TP63: variants seen among roughly 807,000 people sequenced by gnomAD.
TP63 encodes tumor protein 63.
Under a neutral mutation model 82.8 loss-of-function variants are expected in TP63, and 17 were observed. The observed-to-expected ratio is 0.21, with a 90% CI of 0.14 to 0.31. TP63 has a LOEUF of 0.31. TP63 is among the 10% of genes least tolerant of loss of function. TP63 has a pLI of 1.00. For missense variants in TP63, 648 were observed against 895.3 expected, an observed-to-expected ratio of 0.72 and a Z score of 3.52; for synonymous variants, 330 against 321.7, an observed-to-expected ratio of 1.03 and a Z score of -0.28.
chr3:189,677,741 C>G lies in TP63; in HGVS notation c.62+46164C>G, dbSNP rs546279640. Among the ~76,000 whole-genome samples, 237 of 152,002 alleles carry G rather than the reference C, an allele frequency of 1.6e-3. 1 individual carries two copies. Among genetic ancestry groups the G allele is most frequent in the African/African-American group, 5.4e-3 (223 of 41,492 alleles). On this transcript the variant is annotated intron_variant, in intron 1 of 13. Transcript: ENST00000264731. ...AGTGTATAAGCATTTCTTTTTCTCC[C>G]CAGCCTCATCAACATCTGTTATTTT...
At chr3:189,606,552 C>T in the TP63 span, among the ~76,000 whole-genome samples, 30 of 126,958 alleles carry the variant, frequency 2.4e-4, no homozygotes, top group African/African-American at 8.4e-4. Flanking sequence ...CTTGCTCTGT[C>T]ACCTAGGCTG....
intron 3 of TP63, among the ~76,000 whole-genome samples, chr3:189,800,927 C>T (rs1726238522): frequency 6.6e-6 from 1 of 151,902 alleles, no homozygotes; most frequent in African/African-American, 2.4e-5. Flanking sequence ...TTATTTTTTG[C>T]TCCTGATAGT....
intron 3 of TP63, among the ~76,000 whole-genome samples, chr3:189,745,551 A>T (rs1346958161): frequency 6.6e-6 from 1 of 151,880 alleles, no homozygotes; most frequent in Non-Finnish European, 1.5e-5. Context: ...TCCTAAAAAT[A>T]CAAAAATTAG....
chr3:189,834,343 CT>C (rs999918061), intron 4 of TP63, among the ~76,000 whole-genome samples: 1 of 151,166 alleles, frequency 6.6e-6, no homozygotes, highest in Admixed American at 6.6e-5. Context: ...GTCTGACAGT[CT>C]TTTTTTTTAA....
intron 1 of TP63, among the ~76,000 whole-genome samples, chr3:189,693,595 G>C (rs1717113839): frequency 6.6e-6 from 1 of 152,124 alleles, no homozygotes; most frequent in Non-Finnish European, 1.5e-5. Context: ...ATTTGGATGG[G>C]GACGATTATT....
the TP63 span, among the ~76,000 whole-genome samples, chr3:189,599,153 T>C: frequency 6.6e-6 from 1 of 152,186 alleles, no homozygotes; most frequent in Admixed American, 6.5e-5. Context: ...TTTCCCTTCA[T>C]CCACCTTTAA....
upstream of TP63, among the ~76,000 whole-genome samples, chr3:189,630,833 A>G (rs1729426595): frequency 6.6e-6 from 1 of 151,766 alleles, no homozygotes; most frequent in South Asian, 2.1e-4. Context: ...TAAGTTAAAT[A>G]TAATCAAGGA....
the TP63 span, among the ~76,000 whole-genome samples, chr3:189,616,418 A>G: frequency 0.05 from 7,542 of 152,296 alleles, 268 homozygotes; most frequent in South Asian, 0.08. Context: ...GAGATGTTCC[A>G]TGGATCCTCA....
Position 189,808,373 on chromosome 3 carries a change from C to T in TP63, c.426C>T (p.Ser142=), listed in dbSNP as rs1328739177. The change falls in exon 4 of 14, where the codon AGC becomes AGT. Residue 142 remains serine (S), a synonymous_variant. Transcript: ENST00000264731. ...SPYNTDHAQN[S]VTAPSPYAQP... Reference sequence around the variant, plus strand: ...ATAACACAGACCACGCGCAGAACAGCGTCACGGCGCCCTCGCCCTACGCAC... The same window carrying T: ...ATAACACAGACCACGCGCAGAACAGTGTCACGGCGCCCTCGCCCTACGCAC... 1 of 1,614,196 alleles carries T rather than the reference C, an allele frequency of 6.2e-7. No individual in the cohort carries two copies. The highest frequency in any genetic ancestry group is 8.5e-7 in the Non-Finnish European group (1 of 1,180,038).
intron 1 of TP63, among the ~76,000 whole-genome samples, chr3:189,691,338 C>CAAAAAAAAAAAAAAAA (rs781098833): frequency 3.7e-4 from 25 of 67,098 alleles, no homozygotes; most frequent in Non-Finnish European, 5.6e-4. Context: ...GACTCCATCT[C>CAAAAAAAAAAAAAAAA]AAAAAAAAAA....
At chr3:189,767,419 T>G (rs1158563022) in intron 3 of TP63, among the ~76,000 whole-genome samples, 1 of 152,302 alleles carries the variant, frequency 6.6e-6, no homozygotes, top group East Asian at 1.9e-4. Flanking sequence ...GTACCAATCT[T>G]TCAATTTATG....
intron 3 of TP63, among the ~76,000 whole-genome samples, chr3:189,798,552 G>A (rs1725960590): frequency 6.6e-6 from 1 of 152,046 alleles, no homozygotes; most frequent in South Asian, 2.1e-4. Flanking sequence ...CTTTTTAAAA[G>A]TGTTTACCTG....
chr3:189,646,014 G>A (rs1712396443), intron 1 of TP63, among the ~76,000 whole-genome samples: 1 of 147,058 alleles, frequency 6.8e-6, no homozygotes. Flanking sequence ...GTAAGAATCT[G>A]TATTTTAACA....
intron 1 of TP63, among the ~76,000 whole-genome samples, chr3:189,683,648 A>C (rs946327333): frequency 6.6e-6 from 1 of 152,192 alleles, no homozygotes; most frequent in Non-Finnish European, 1.5e-5. Flanking sequence ...TGAATGTCCC[A>C]CTATATAGTT....
intron 4 of TP63, among the ~76,000 whole-genome samples, chr3:189,817,005 G>GC (rs1404900806): frequency 1.3e-5 from 2 of 150,418 alleles, no homozygotes; most frequent in Admixed American, 1.3e-4. Context: ...TTCATGTGGG[G>GC]GAAAAAAAAA....
At chr3:189,682,543 A>G (rs1164517971) in intron 1 of TP63, among the ~76,000 whole-genome samples, 2 of 23,962 alleles carry the variant, frequency 8.3e-5, no homozygotes, top group Admixed American at 6.0e-4. Flanking sequence ...GGGGAAAAAA[A>G]AAAAAAAAAA....
At chr3:189,865,533 C>G (rs796131681) in intron 5 of TP63, among the ~76,000 whole-genome samples, 2 of 151,516 alleles carry the variant, frequency 1.3e-5, no homozygotes, top group Non-Finnish European at 2.9e-5. Flanking sequence ...ATTGAGGGTG[C>G]CAAAGGTGTT....
At chr3:189,869,297 A>G in intron 8 of TP63, 27 bp from the exon 9 acceptor site, 1 of 1,599,438 alleles carries the variant, frequency 6.3e-7, no homozygotes, top group Non-Finnish European at 8.6e-7. Context: ...TGTTCCCAGG[A>G]TGAAACTTGC....
chr3:189,833,206 G>A (rs1351787226), intron 4 of TP63, among the ~76,000 whole-genome samples: 3 of 152,136 alleles, frequency 2.0e-5, no homozygotes, highest in African/African-American at 7.2e-5. Context: ...TTCTATCTAT[G>A]ACAAATTCAG....
Sources: allele counts gnomAD v4.1 joint callset (sites outside exome capture counted in the v4.1 genomes callset), GRCh38; gene constraint gnomAD v4.1.1; transcripts MANE v1.5; gene names NCBI Gene and HGNC (gene_info 2026-07-23, HGNC 2026-07-21).